The following ZBTB16 variants were observed in gnomAD, a reference collection of about 807,000 sequenced individuals.
The protein encoded by ZBTB16 is zinc finger and BTB domain containing 16.
A neutral mutation model predicts 56.8 loss-of-function variants in ZBTB16; 8 were observed. The observed-to-expected ratio is 0.14, with a 90% CI of 0.08 to 0.25. ZBTB16 has a LOEUF of 0.25. Among genes scored for constraint, ZBTB16 ranks in the 10% least tolerant of loss-of-function variants. The pLI is 1.00. For synonymous variants in ZBTB16, 363 were observed against 368.5 expected, an observed-to-expected ratio of 0.98 and a Z score of 0.17; for missense variants, 625 against 903.0, an observed-to-expected ratio of 0.69 and a Z score of 3.95.
intron 2 of ZBTB16, among the ~76,000 whole-genome samples, chr11:114,119,713 A>C (rs1941288722): frequency 6.6e-6 from 1 of 152,190 alleles, no homozygotes; most frequent in Non-Finnish European, 1.5e-5. Flanking sequence ...GTATCGTGTC[A>C]GTCTCTGAGT....
chr11:114,063,150 C>G lies in ZBTB16; in HGVS notation c.-90-61C>G. ...GGTTGAATTCTTACTTTTAGGGACA[C>G]TGATGAATTTGTCTTTTGTTCTCTC... On this transcript the variant is annotated intron_variant, in intron 1 of 6. Coordinates refer to ENST00000335953, the MANE Select transcript of ZBTB16 (RefSeq NM_006006.6). This position sits in a 1 kb window ranked among gnomAD's most constrained non-coding sequence, Gnocchi z 6.5. 1.2e-6 allele frequency: 1 copy of G among 839,004 alleles called. No individual in the cohort carries two copies. 52.0% of individuals were successfully genotyped at this position (839,004 alleles called of 1,614,324 possible).
chr11:114,088,556 C>T (rs1940054045), intron 2 of ZBTB16, among the ~76,000 whole-genome samples: 3 of 152,184 alleles, frequency 2.0e-5, no homozygotes, highest in Admixed American at 2.0e-4. Context: ...CCACTGCTCC[C>T]CTTCAGAGTC....
chr11:114,210,403 T>C (rs570352531), intron 4 of ZBTB16, among the ~76,000 whole-genome samples: 64 of 152,302 alleles, frequency 4.2e-4, no homozygotes, highest in African/African-American at 1.5e-3. Context: ...TGGGATGTTC[T>C]GTCCAAATTA....
chr11:114,160,484 A>G (rs755081551), intron 3 of ZBTB16, among the ~76,000 whole-genome samples: 2 of 152,142 alleles, frequency 1.3e-5, no homozygotes, highest in Non-Finnish European at 2.9e-5. Flanking sequence ...GAGATCGACA[A>G]TGCAGGTCTT....
Position 114,138,979 on chromosome 11 carries a change from C to G in ZBTB16, c.1269-17358C>G, listed in dbSNP as rs371822365. Among the ~76,000 whole-genome samples the G allele has an allele frequency of 7.2e-5, 11 of 152,306 alleles. No homozygotes were observed. The East Asian group carries it at 1.5e-3, about 21-fold the overall frequency. On this transcript the variant is annotated intron_variant, in intron 2 of 6. Coordinates refer to ENST00000335953, the MANE Select transcript of ZBTB16 (RefSeq NM_006006.6). The stretch of plus-strand genomic sequence containing the variant: ...GCGCTGGGATTACAGGCGTGAGCCA[C>G]TGTGCCTGGCCTACTCCCTTCCTCT...
intron 4 of ZBTB16, chr11:114,209,230 C>G (rs1235027044): frequency 3.4e-6 from 1 of 297,654 alleles, no homozygotes; most frequent in Non-Finnish European, 5.0e-6. Flanking sequence ...AGGAGACACT[C>G]AAAGCTGCTT....
At position 114,254,591 on chromosome 11, in the gene ZBTB16, C is replaced by G. The variant is rs369168370; in HGVS notation, c.*4036C>G. Among the ~76,000 whole-genome samples, 1 of 152,218 alleles carries G rather than the reference C, an allele frequency of 6.6e-6. No individual in the cohort carries two copies. The highest frequency in any genetic ancestry group is 3.4e-3 in the Middle Eastern group (1 of 294). ...CAGGGTAGTTTCTGGGCCTGCTTCC[C>G]GGCAAGCCGAGCTAGGGTGAAAACT... On this transcript the variant is annotated 3_prime_UTR_variant, in exon 7 of 7. Coordinates refer to ENST00000335953, the MANE Select transcript of ZBTB16 (RefSeq NM_006006.6).
In ZBTB16 at chr11:114,089,574, A is replaced by C. The variant is rs192777368; in HGVS notation, c.1268+25006A>C. Among the ~76,000 whole-genome samples the C allele has an allele frequency of 2.0e-4, 31 of 152,316 alleles. No individual in the cohort carries two copies. In the East Asian group the frequency reaches 5.6e-3, roughly 28 times the overall value. ...ATTCCAAAGATGGGGGCAGAATATC[A>C]GTCCTCTCCAGACTGCCTGGGAATC... On this transcript the variant is annotated intron_variant, in intron 2 of 6. Coordinates refer to ENST00000335953, the MANE Select transcript of ZBTB16 (RefSeq NM_006006.6).
At chr11:114,120,486 A>G (rs897783738) in intron 2 of ZBTB16, among the ~76,000 whole-genome samples, 3 of 152,164 alleles carry the variant, frequency 2.0e-5, no homozygotes, top group Non-Finnish European at 1.5e-5. Context: ...TCATCCTTTA[A>G]AGCCGAATCC....
At chr11:114,244,642 G>T (rs974674728) in intron 5 of ZBTB16, among the ~76,000 whole-genome samples, 3 of 150,384 alleles carry the variant, frequency 2.0e-5, no homozygotes, top group South Asian at 4.2e-4. Flanking sequence ...TTTTTTTTTT[G>T]TTGTTGTTTG....
chr11:114,079,100 TAAA>T (rs10609677), intron 2 of ZBTB16, among the ~76,000 whole-genome samples: 38,152 of 137,072 alleles, frequency 0.28, 5,255 homozygotes, highest in Non-Finnish European at 0.32. Flanking sequence ...TTTGTCTCAT[TAAA>T]AAAAAAAAAA....
intron 2 of ZBTB16, among the ~76,000 whole-genome samples, chr11:114,080,445 CCTCTCTCTCTCT>C (rs150621909): frequency 6.7e-6 from 1 of 149,852 alleles, no homozygotes; most frequent in South Asian, 2.1e-4. Flanking sequence ...GCTGGTGCTC[CCTCTCTCTCTCT>C]CTCTCTCTCT....
rs188945914 is a variant in ZBTB16 at position 114,088,343 on chromosome 11, T to A, written c.1268+23775T>A. ...TTTTAGTAGAGATGCGGTTTCGCCA[T>A]GCTGGCCAGGCTGGTCCCCAACTCC... On this transcript the variant is annotated intron_variant, in intron 2 of 6. Coordinates refer to ENST00000335953, the MANE Select transcript of ZBTB16 (RefSeq NM_006006.6). Among the ~76,000 whole-genome samples, 190 of 152,206 alleles carry A rather than the reference T, an allele frequency of 1.2e-3. 1 individual carries two copies. Among genetic ancestry groups the A allele is most frequent in the Non-Finnish European group, 2.5e-3 (168 of 68,014 alleles).
Position 114,252,636 on chromosome 11 carries a change from A to T in ZBTB16, c.*2081A>T, listed in dbSNP as rs971608984. On this transcript the variant is annotated 3_prime_UTR_variant, in exon 7 of 7. Transcript: ENST00000335953. The stretch of plus-strand genomic sequence containing the variant: ...TTATGTGTAAGAGTTTTTTATTATT[A>T]TTTTTTCTTTCCTTTCTCTCTCTGA... Among the ~76,000 whole-genome samples the T allele has an allele frequency of 2.0e-5, 3 of 151,544 alleles. No homozygotes were observed. Among genetic ancestry groups the T allele is most frequent in the South Asian group, 4.2e-4 (2 of 4,800 alleles).
chr11:114,227,129 A>G (rs1362328196), intron 4 of ZBTB16, among the ~76,000 whole-genome samples: 3 of 152,162 alleles, frequency 2.0e-5, no homozygotes, highest in Admixed American at 6.5e-5. Flanking sequence ...GGACTCCAGC[A>G]GGACTGCAGC....
At chr11:114,142,958 C>T (rs1185885036) in intron 2 of ZBTB16, among the ~76,000 whole-genome samples, 1 of 152,062 alleles carries the variant, frequency 6.6e-6, no homozygotes, top group Admixed American at 6.6e-5. Context: ...GGCTTAAAAC[C>T]AGCAATGTCA....
At chr11:114,167,217 T>G (rs1268961068) in intron 3 of ZBTB16, among the ~76,000 whole-genome samples, 23 of 38,638 alleles carry the variant, frequency 6.0e-4, no homozygotes, top group African/African-American at 8.0e-4. Context: ...GGATTTGTGG[T>G]TTTTTTTTTT....
At chr11:114,079,550 C>T (rs180877035) in intron 2 of ZBTB16, among the ~76,000 whole-genome samples, 93 of 152,356 alleles carry the variant, frequency 6.1e-4, no homozygotes, top group Middle Eastern at 3.4e-3. Flanking sequence ...TCCTGTGATG[C>T]TGCCACAGCC....
intron 2 of ZBTB16, among the ~76,000 whole-genome samples, chr11:114,136,021 G>A (rs908765886): frequency 2.6e-5 from 4 of 152,080 alleles, no homozygotes; most frequent in Non-Finnish European, 5.9e-5. Flanking sequence ...TTCCCTTTGC[G>A]GTGTGGAATC....
Sources: gnomAD v4.1 joint callset for allele counts (sites outside exome capture counted in the v4.1 genomes callset) on GRCh38, gnomAD v4.1.1 for gene constraint, Gnocchi (gnomAD v3.1) non-coding constraint, MANE v1.5 for transcripts, NCBI Gene and HGNC (gene_info 2026-07-23, HGNC 2026-07-21) for gene names.